The following MAN1A1 variants were observed in gnomAD, a reference collection of about 807,000 sequenced individuals.
MAN1A1 encodes mannosidase alpha class 1A member 1.
Under a neutral mutation model 70.8 loss-of-function variants are expected in MAN1A1, and 29 were observed. The ratio of observed to expected loss-of-function variants is 0.41; its 90% confidence interval spans 0.31 to 0.56. The LOEUF (loss-of-function observed/expected upper bound fraction) is 0.56, where lower values mean the gene tolerates loss of function less well. MAN1A1 is among the 20% of genes least tolerant of loss of function. The pLI, the probability that MAN1A1 is intolerant of heterozygous loss-of-function variation, is 0.29. For synonymous variants in MAN1A1, 349 were observed against 330.1 expected, an observed-to-expected ratio of 1.06 and a Z score of -0.62; for missense variants, 747 against 841.3, an observed-to-expected ratio of 0.89 and a Z score of 1.39.
At chr6:119,341,154 T>C (rs976858826) in intron 2 of MAN1A1, among the ~76,000 whole-genome samples, 1 of 152,230 alleles carries the variant, frequency 6.6e-6, no homozygotes, top group African/African-American at 2.4e-5. Flanking sequence ...CTCATTTGGT[T>C]TTTTTTCAAG....
intron 2 of MAN1A1, among the ~76,000 whole-genome samples, chr6:119,344,774 A>G (rs1411876685): frequency 6.6e-6 from 1 of 152,252 alleles, no homozygotes; most frequent in Admixed American, 6.5e-5. Context: ...TATAGGCTAT[A>G]TGCCTAAGGC....
At chr6:119,255,938 A>G (rs1481357371) in intron 5 of MAN1A1, among the ~76,000 whole-genome samples, 1 of 152,250 alleles carries the variant, frequency 6.6e-6, no homozygotes, top group Admixed American at 6.5e-5. Flanking sequence ...AATATATTTA[A>G]TTAGATGACT....
chr6:119,256,842 C>T (rs575065809), intron 5 of MAN1A1, among the ~76,000 whole-genome samples: 1 of 152,268 alleles, frequency 6.6e-6, no homozygotes, highest in South Asian at 2.1e-4. Flanking sequence ...GCATTTACTA[C>T]ATATTTACCA....
chr6:119,350,497 C>T, upstream of MAN1A1: 39 of 984,842 alleles, frequency 4.0e-5, no homozygotes, highest in Non-Finnish European at 4.7e-5. Context: ...ATGTCTCTCC[C>T]GCCCACCCGT....
chr6:119,257,474 T>A (rs577360906), intron 5 of MAN1A1, among the ~76,000 whole-genome samples: 1 of 152,128 alleles, frequency 6.6e-6, no homozygotes, highest in African/African-American at 2.4e-5. Flanking sequence ...TATGGGACTT[T>A]TCTGAGTGTA....
chr6:119,213,684 TTAC>T (rs1774113685), intron 6 of MAN1A1, among the ~76,000 whole-genome samples: 1 of 152,206 alleles, frequency 6.6e-6, no homozygotes, highest in South Asian at 2.1e-4. Context: ...TCTGTTTCTT[TTAC>T]TACCACCAGC....
intron 5 of MAN1A1, among the ~76,000 whole-genome samples, chr6:119,289,337 T>C (rs919360237): frequency 6.6e-6 from 1 of 151,922 alleles, no homozygotes; most frequent in Non-Finnish European, 1.5e-5. Context: ...TCCAAAGCAA[T>C]GAGAACATCC....
chr6:119,277,839 A>G (rs1776112601), intron 5 of MAN1A1, among the ~76,000 whole-genome samples: 1 of 144,434 alleles, frequency 6.9e-6, no homozygotes, highest in African/African-American at 2.5e-5. Context: ...CGGGAGGCTG[A>G]GGCGGGAGAA....
intron 5 of MAN1A1, among the ~76,000 whole-genome samples, chr6:119,274,933 G>T (rs1776014465): frequency 6.6e-6 from 1 of 152,148 alleles, no homozygotes; most frequent in Non-Finnish European, 1.5e-5. Flanking sequence ...TTCAAGGACA[G>T]CTTTGTGTTT....
At chr6:119,297,770 C>T (rs559011395) in intron 4 of MAN1A1, among the ~76,000 whole-genome samples, 3,529 of 112,004 alleles carry the variant, frequency 0.032, 96 homozygotes, top group Non-Finnish European at 0.044. Flanking sequence ...GATGGAGTCT[C>T]GCTCTGTCGC....
intron 11 of MAN1A1, among the ~76,000 whole-genome samples, chr6:119,182,076 A>T (rs538212295): frequency 6.6e-6 from 1 of 152,314 alleles, no homozygotes; most frequent in South Asian, 2.1e-4. Context: ...AGCCATTTAA[A>T]AAGGTATGAG....
intron 11 of MAN1A1, among the ~76,000 whole-genome samples, chr6:119,185,865 TA>T (rs1374787679): frequency 9.8e-5 from 13 of 132,422 alleles, no homozygotes; most frequent in Admixed American, 1.5e-4. Context: ...TTTTTTTTTT[TA>T]AATATAAATC....
At chr6:119,186,277 A>G (rs551851258) in intron 11 of MAN1A1, among the ~76,000 whole-genome samples, 20 of 152,248 alleles carry the variant, frequency 1.3e-4, no homozygotes, top group African/African-American at 4.6e-4. Context: ...CTTGTCTTTA[A>G]GCGGAAAGCT....
intron 8 of MAN1A1, among the ~76,000 whole-genome samples, chr6:119,200,697 G>C (rs949334437): frequency 6.6e-6 from 1 of 152,132 alleles, no homozygotes; most frequent in Non-Finnish European, 1.5e-5. Flanking sequence ...AGGCTTCTAG[G>C]ATCAAAAGTT....
intron 11 of MAN1A1, among the ~76,000 whole-genome samples, chr6:119,182,532 T>G (rs1208667002): frequency 6.6e-6 from 1 of 151,856 alleles, no homozygotes; most frequent in Non-Finnish European, 1.5e-5. Flanking sequence ...TTTTTTTTTT[T>G]GTGCTGTTTA....
chr6:119,291,041 C>G lies in MAN1A1; in HGVS notation c.817-278G>C, dbSNP rs146531173. ...AAAAACATACTTAAAATAAATGATA[C>G]GGTTTGTCTCTGTGTCCCCACCCAA... is the stretch of plus-strand genomic sequence containing the variant. On this transcript the variant is annotated intron_variant, in intron 4 of 12. Coordinates refer to ENST00000368468, the MANE Select transcript of MAN1A1 (RefSeq NM_005907.4). Among the ~76,000 whole-genome samples, 4 of 151,886 alleles carry G rather than the reference C, an allele frequency of 2.6e-5. No individual in the cohort carries two copies. In the East Asian group the frequency reaches 7.7e-4, roughly 29 times the overall value.
intron 6 of MAN1A1, among the ~76,000 whole-genome samples, chr6:119,232,041 G>A (rs1291510002): frequency 6.6e-6 from 1 of 152,074 alleles, no homozygotes; most frequent in African/African-American, 2.4e-5. Context: ...GTTCTGGTAG[G>A]TACGTAGAAT....
chr6:119,270,950 GA>G (rs1775906376), intron 5 of MAN1A1, among the ~76,000 whole-genome samples: 1 of 152,094 alleles, frequency 6.6e-6, no homozygotes, highest in Admixed American at 6.5e-5. Context: ...TTCCTTGAAC[GA>G]CTTCTCTACT....
chr6:119,280,592 TA>T (rs1416019877), intron 5 of MAN1A1, among the ~76,000 whole-genome samples: 2 of 152,196 alleles, frequency 1.3e-5, no homozygotes, highest in Non-Finnish European at 2.9e-5. Context: ...CTAGCCCTAT[TA>T]AATTTTAAAT....
Sources: allele counts gnomAD v4.1 joint callset (sites outside exome capture counted in the v4.1 genomes callset), GRCh38; gene constraint gnomAD v4.1.1; transcripts MANE v1.5; gene names NCBI Gene and HGNC (gene_info 2026-07-23, HGNC 2026-07-21).